Variants in ADGRB2 observed in about 807,000 individuals in gnomAD.
ADGRB2 encodes brain-specific angiogenesis inhibitor 2.
In ADGRB2, 47 loss-of-function variants were observed where a neutral mutation model predicts 178.7. The ratio of observed to expected loss-of-function variants is 0.26; its 90% CI spans 0.21 to 0.34. The LOEUF (loss-of-function observed/expected upper bound fraction) is 0.34, where lower values mean the gene tolerates loss of function less well. ADGRB2 is among the 10% of genes least tolerant of loss of function. The pLI is 1.00. For synonymous variants in ADGRB2, 870 were observed against 912.4 expected, an observed-to-expected ratio of 0.95 and a Z score of 0.84; for missense variants, 1,584 against 2,180.8, an observed-to-expected ratio of 0.73 and a Z score of 5.45.
At position 31,735,304 on chromosome 1, in the gene ADGRB2, GAGA is replaced by G; in HGVS notation, c.3354-26_3354-24del. ...GACCTCGGGGGCGGCACAGACATGG[GAGA>G]AGGAGGGGAAACACATGGGAAGCCG... is the stretch of plus-strand genomic sequence containing the variant. On this transcript the variant is annotated intron_variant, in intron 24 of 32. Coordinates refer to ENST00000373658, the MANE Select transcript of ADGRB2 (RefSeq NM_001364857.2). This position sits in a 1 kb window ranked among gnomAD's most constrained non-coding sequence, Gnocchi z 6.0. 1 of 1,465,364 alleles carries G rather than the reference GAGA, an allele frequency of 6.8e-7. No homozygotes were observed. Among genetic ancestry groups the G allele is most frequent in the South Asian group, 1.3e-5 (1 of 74,758 alleles). 90.8% of individuals were successfully genotyped at this position (1,465,364 alleles called of 1,614,324 possible).
rs750109168 is a variant in ADGRB2 at position 31,739,303 on chromosome 1, C to T, written c.2495+5G>A. On this transcript the variant is annotated splice_donor_5th_base_variant and intron_variant, in intron 15 of 32. Transcript: ENST00000373658. ...CAGCCCCAGCCACCCATCCCCAGGA[C>T]TCACCTGGGAGGCGGCAGGATGAGG... 2 of 1,447,806 alleles carry T rather than the reference C, an allele frequency of 1.4e-6. No homozygotes were observed. Among genetic ancestry groups the T allele is most frequent in the Non-Finnish European group, 9.1e-7 (1 of 1,098,468 alleles). The allele number at this position is 1,447,806 out of a possible 1,614,324, so 89.7% of individuals were successfully genotyped here.
rs750928628 is a variant in ADGRB2, at chr1:31,740,518, C to G, written c.1818G>C (p.Gly606=). ...YLSLREHLAK[G]QRMLAGEGMS... ...TGCCCTCGCCTGCCAGCATGCGCTG[C>G]CCCTTGGCCAGGTGCTCCCTAAGCT... is the stretch of plus-strand genomic sequence containing the variant. The change falls in exon 12 of 33, where the codon GGG becomes GGC. Residue 606 remains glycine (G), a synonymous_variant. Coordinates refer to ENST00000373658, the MANE Select transcript of ADGRB2 (RefSeq NM_001364857.2). This position sits in a 1 kb window ranked among gnomAD's most constrained non-coding sequence, Gnocchi z 5.9. 6.2e-7 allele frequency: 1 copy of G among 1,609,778 alleles called. No individual in the cohort carries two copies. The highest frequency in any genetic ancestry group is 1.3e-5 in the African/African-American group (1 of 74,950).
chr1:31,730,926 G>C lies in ADGRB2; in HGVS notation c.4254C>G (p.Pro1418=), dbSNP rs550672929. The change falls in exon 29 of 33, where the codon CCC becomes CCG. Residue 1418 remains proline (P), a synonymous_variant. Transcript: ENST00000373658. Reference sequence around the variant, plus strand: ...GTGGCGGTTGGAAGGTCATTCCATAGGGATTCTGGAGAGATCCATAGGCAG... The same window carrying C: ...GTGGCGGTTGGAAGGTCATTCCATACGGATTCTGGAGAGATCCATAGGCAG... The part of the protein sequence containing the change: ...LGPAYGSLQN[P]YGMTFQPPPP... 4.4e-6 allele frequency: 7 copies of C among 1,582,502 alleles called. No individual in the cohort carries two copies. The Admixed American group carries it at 1.1e-4, about 24-fold the overall frequency.
rs543417262 is a variant in ADGRB2 at position 31,737,707 on chromosome 1, C to T, written c.2821G>A (p.Ala941Thr). 6.2e-6 allele frequency: 10 copies of T among 1,613,660 alleles called. No individual in the cohort carries two copies. Among genetic ancestry groups the T allele is most frequent in the Non-Finnish European group, 8.5e-6 (10 of 1,180,020 alleles). Residue 941 changes from alanine (A) to threonine (T), a missense_variant, in exon 19 of 33, where the codon GCA becomes ACA. Around this residue, in one of 3 missense-constraint regions of ADGRB2, gnomAD observed 865 missense variants for 1,192.8 expected, o/e 0.73. Transcript: ENST00000373658. ...GTGAGCAGCGCCATGCACGACACTGCACAGCCGATCACCAGGGGGACCGAG... is the reference window on the plus strand; with the variant it reads ...GTGAGCAGCGCCATGCACGACACTGTACAGCCGATCACCAGGGGGACCGAG... ...SPSVPLVIGC[A>T]VSCMALLTLL...
rs1001757749 is a variant in ADGRB2 at position 31,727,628 on chromosome 1, C to T, written c.4573-23G>A. On this transcript the variant is annotated intron_variant, in intron 32 of 32. Coordinates refer to ENST00000373658, the MANE Select transcript of ADGRB2 (RefSeq NM_001364857.2). This position sits in a 1 kb window ranked among gnomAD's most constrained non-coding sequence, Gnocchi z 4.4. ...ATCCTGTGGAGGGAGCGGGAGGGGC[C>T]GTGGAGATGGGCCAATATCCTTACC... The T allele has an allele frequency of 5.4e-6, 8 of 1,480,176 alleles. No homozygotes were observed. In the South Asian group the frequency reaches 5.8e-5, roughly 11 times the overall value. 91.7% of individuals were successfully genotyped at this position (1,480,176 alleles called of 1,614,324 possible).
Position 31,728,632 on chromosome 1 carries a change from C to A in ADGRB2, c.4382G>T (p.Arg1461Leu). 9 of 1,614,034 alleles carry A rather than the reference C, an allele frequency of 5.6e-6. No individual in the cohort carries two copies. The highest frequency in any genetic ancestry group is 5.9e-6 in the Non-Finnish European group (7 of 1,180,000). Reference protein sequence around the residue: ...GSTMKMGSLERKKLRYSDLDF... With the variant: ...GSTMKMGSLELKKLRYSDLDF... ...CAGGTCTGAATACCGTAATTTCTTT[C>A]GCTGGGAAGGAGCAACAAGGAGGCA... The change falls in exon 30 of 33, where the codon CGA becomes CTA. Residue 1461 changes from arginine to leucine, a missense_variant and splice_region_variant. Arg to Leu is a moderately radical substitution (Grantham distance 102). Around this residue, in one of 3 missense-constraint regions of ADGRB2, gnomAD observed 865 missense variants for 1,192.8 expected, o/e 0.73. Coordinates refer to ENST00000373658, the MANE Select transcript of ADGRB2 (RefSeq NM_001364857.2). This position sits in a 1 kb window ranked among gnomAD's most constrained non-coding sequence, Gnocchi z 6.7.
Position 31,727,324 on chromosome 1 carries a change from A to T in ADGRB2, c.*96T>A. The T allele has an allele frequency of 9.4e-6, 13 of 1,388,944 alleles. No homozygotes were observed. In the South Asian group the frequency reaches 1.8e-4, roughly 19 times the overall value. 86.0% of individuals were successfully genotyped at this position (1,388,944 alleles called of 1,614,324 possible). A position where few individuals can be genotyped will look rare whatever the true frequency, so the allele number is the denominator to read the frequency against. ...CGCCTCCCTGCCCAGCCCTCGGGAG[A>T]GGGGAGAGGGCGCTGGCTCCTGGGT... On this transcript the variant is annotated 3_prime_UTR_variant, in exon 33 of 33. Coordinates refer to ENST00000373658, the MANE Select transcript of ADGRB2 (RefSeq NM_001364857.2). The surrounding 1 kb of genome is among the most constrained non-coding windows in gnomAD (Gnocchi z 4.4).
intron 29 of ADGRB2, among the ~76,000 whole-genome samples, chr1:31,729,829 C>T (rs983231603): frequency 3.9e-5 from 6 of 152,280 alleles, no homozygotes; most frequent in African/African-American, 7.2e-5. Context: ...CGCCCTTCTC[C>T]GACACTGGCG....
In ADGRB2 at chr1:31,743,066, C is replaced by T. The variant is rs560726663; in HGVS notation, c.1088-64G>A. On this transcript the variant is annotated intron_variant, in intron 6 of 32. Transcript: ENST00000373658. ...TGGCCCCGCCCACCACCGGCGCCTG[C>T]CCATCCGCCCACCAATCAGGAGCTC... 269 of 1,340,646 alleles carry T rather than the reference C, an allele frequency of 2.0e-4. 1 individual carries two copies. In the African/African-American group the frequency reaches 3.7e-3, roughly 19 times the overall value. The allele number at this position is 1,340,646 out of a possible 1,614,324, so 83.0% of individuals were successfully genotyped here.
chr1:31,741,813 C>T lies in ADGRB2; in HGVS notation c.1572G>A (p.Glu524=). The change falls in exon 9 of 33, where the codon GAG becomes GAA. Residue 524 remains glutamate, a synonymous_variant. Coordinates refer to ENST00000373658, the MANE Select transcript of ADGRB2 (RefSeq NM_001364857.2). This position sits in a 1 kb window ranked among gnomAD's most constrained non-coding sequence, Gnocchi z 6.5. ...TTAGGGCAGTACCTGGACACCTCTTCTCACTACAAGGCTTCACCTCCTCTC... is the reference window on the plus strand; with the variant it reads ...TTAGGGCAGTACCTGGACACCTCTTTTCACTACAAGGCTTCACCTCCTCTC... ...GTGEEVKPCS[E]KRCPAFHEMC... is the part of the protein sequence containing the mutation. 6 of 1,593,528 alleles carry T rather than the reference C, an allele frequency of 3.8e-6. No individual in the cohort carries two copies. The highest frequency in any genetic ancestry group is 5.1e-6 in the Non-Finnish European group (6 of 1,166,074).
chr1:31,745,580 G>A (rs1646232422), intron 4 of ADGRB2, among the ~76,000 whole-genome samples: 1 of 152,206 alleles, frequency 6.6e-6, no homozygotes, highest in Non-Finnish European at 1.5e-5. Context: ...CCACAATGGG[G>A]TGTCAGGGAG....
At position 31,744,024 on chromosome 1, in the gene ADGRB2, GC is replaced by G. The variant is rs1323679754; in HGVS notation, c.1087+168del. On this transcript the variant is annotated intron_variant, in intron 6 of 32. Transcript: ENST00000373658. This position sits in a 1 kb window ranked among gnomAD's most constrained non-coding sequence, Gnocchi z 6.7. The stretch of plus-strand genomic sequence containing the variant: ...GGTCTGATCCATCTGTGCCCCCAGT[GC>G]CCTGCACCGGGCTGGCATGGTACGC... 1.3e-5 allele frequency among the ~76,000 whole-genome samples: 2 copies of G among 152,216 alleles called. No homozygotes were observed. Among genetic ancestry groups the G allele is most frequent in the Non-Finnish European group, 2.9e-5 (2 of 68,026 alleles).
Position 31,755,554 on chromosome 1 carries a change from G to A in ADGRB2, c.838+445C>T, listed in dbSNP as rs888418771. On this transcript the variant is annotated intron_variant, in intron 4 of 32. Transcript: ENST00000373658. This position sits in a 1 kb window ranked among gnomAD's most constrained non-coding sequence, Gnocchi z 5.1. ...GGACAGGAATGCATCCCTGCTCCCT[G>A]CCTACTCCAGCCTCCAGGCAAACTT... is the stretch of plus-strand genomic sequence containing the variant. 3.3e-5 allele frequency among the ~76,000 whole-genome samples: 5 copies of A among 152,070 alleles called. No individual in the cohort carries two copies. In the South Asian group the frequency reaches 6.2e-4, roughly 19 times the overall value.
In ADGRB2 at chr1:31,741,984, G is replaced by A. The variant is rs200136396; in HGVS notation, c.1418-17C>T. Reference sequence around the variant, plus strand: ...TATCAGTGGCTGTGGGAGAGGTGAGGCATATGAGTGGGCCCAGGTACCCCC... The same window carrying A: ...TATCAGTGGCTGTGGGAGAGGTGAGACATATGAGTGGGCCCAGGTACCCCC... On this transcript the variant is annotated splice_polypyrimidine_tract_variant and intron_variant, in intron 8 of 32. Transcript: ENST00000373658. The surrounding 1 kb of genome is among the most constrained non-coding windows in gnomAD (Gnocchi z 6.5). 1 of 1,584,836 alleles carries A rather than the reference G, an allele frequency of 6.3e-7. No homozygotes were observed. Among genetic ancestry groups the A allele is most frequent in the East Asian group, 2.3e-5 (1 of 44,402 alleles).
At chr1:31,737,581 C>G (rs746056929) in intron 19 of ADGRB2, 50 bp from the exon 20 acceptor site, 1 of 1,611,382 alleles carries the variant, frequency 6.2e-7, no homozygotes, top group Non-Finnish European at 8.5e-7. Flanking sequence ...CCCCATCCGA[C>G]CTGGTGTGGC....
In ADGRB2 at chr1:31,737,388, C is replaced by A. The variant is rs756895831; in HGVS notation, c.2979+41G>T. ...TGCGCTCTCCACCCTCACCCCTCCA[C>A]CCCACTCACACCCCTGGCAGCCCTG... On this transcript the variant is annotated intron_variant, in intron 20 of 32. Coordinates refer to ENST00000373658, the MANE Select transcript of ADGRB2 (RefSeq NM_001364857.2). 2.6e-6 allele frequency: 4 copies of A among 1,560,592 alleles called. No individual in the cohort carries two copies. In the South Asian group the frequency reaches 4.4e-5, roughly 17 times the overall value.
chr1:31,732,805 G>A (rs1036433652), intron 26 of ADGRB2, among the ~76,000 whole-genome samples, 167 bp downstream of exon 26: 2 of 152,250 alleles, frequency 1.3e-5, no homozygotes, highest in Non-Finnish European at 2.9e-5. Flanking sequence ...AAGCATAAGG[G>A]ACAGTTGCGG....
chr1:31,741,558 G>C lies in ADGRB2; in HGVS notation c.1687+66C>G, dbSNP rs1228516471. The C allele has an allele frequency of 1.1e-5, 17 of 1,596,688 alleles. No homozygotes were observed. Among genetic ancestry groups the C allele is most frequent in the Non-Finnish European group, 1.2e-5 (14 of 1,168,090 alleles). On this transcript the variant is annotated intron_variant, in intron 10 of 32. Transcript: ENST00000373658. This position sits in a 1 kb window ranked among gnomAD's most constrained non-coding sequence, Gnocchi z 6.5. ...CTCCTCCGTATCTCAGAGAGGCTGG[G>C]GGCGCAGAAGGGGGCAATGAGAATG... is the stretch of plus-strand genomic sequence containing the variant.
chr1:31,732,519 G>A lies in ADGRB2; in HGVS notation c.3718C>T (p.Leu1240=). 6.2e-7 allele frequency: 1 copy of A among 1,614,158 alleles called. No homozygotes were observed. The highest frequency in any genetic ancestry group is 8.5e-7 in the Non-Finnish European group (1 of 1,180,028). The stretch of plus-strand genomic sequence containing the variant: ...CCCTGCCCAGGCCCCTAACTCACCA[G>A]GATCTGCAGCTGCCCGTTCTTACAC... ...DSCKNGQLQI[L]SDFEKDVDLA... Residue 1240 remains leucine (L), a splice_region_variant and synonymous_variant, in exon 27 of 33, where the codon CTG becomes TTG. Coordinates refer to ENST00000373658, the MANE Select transcript of ADGRB2 (RefSeq NM_001364857.2).
Sources: allele counts gnomAD v4.1 joint callset (sites outside exome capture counted in the v4.1 genomes callset), GRCh38; gene constraint gnomAD v4.1.1; regional missense constraint gnomAD v4.1.1; non-coding constraint Gnocchi (gnomAD v3.1); transcripts MANE v1.5; gene names NCBI Gene and HGNC (gene_info 2026-07-23, HGNC 2026-07-21).